FHIT: variants seen among roughly 807,000 people sequenced by gnomAD.
FHIT encodes bis(5'-adenosyl)-triphosphatase.
Under a neutral mutation model 17.9 loss-of-function variants are expected in FHIT, and 19 were observed. The ratio of observed to expected loss-of-function variants is 1.06; its 90% CI spans 0.74 to 1.56. The LOEUF is 1.56. Ranked by LOEUF, FHIT falls within the 40% of genes most tolerant of loss-of-function variation. The pLI is 0.00. For missense variants in FHIT, 248 were observed against 189.2 expected, an observed-to-expected ratio of 1.31 and a Z score of -1.82; for synonymous variants, 81 against 69.7, an observed-to-expected ratio of 1.16 and a Z score of -0.81.
At chr3:59,977,579 G>A (rs543422062) in intron 7 of FHIT, among the ~76,000 whole-genome samples, 87 of 152,150 alleles carry the variant, frequency 5.7e-4, no homozygotes, top group Non-Finnish European at 1.1e-3. Flanking sequence ...TGTCAGGACT[G>A]AACAAGTAAC....
At chr3:60,218,348 T>C (rs1215804645) in intron 5 of FHIT, among the ~76,000 whole-genome samples, 2 of 152,134 alleles carry the variant, frequency 1.3e-5, no homozygotes, top group East Asian at 1.9e-4. Flanking sequence ...AGAAAGAAAA[T>C]GCTTAATTCT....
chr3:59,912,775 T>C (rs1704945012), intron 8 of FHIT, among the ~76,000 whole-genome samples: 1 of 152,234 alleles, frequency 6.6e-6, no homozygotes, highest in South Asian at 2.1e-4. Context: ...GTAAGAAGGA[T>C]TTCCAGCAGG....
At chr3:60,356,753 C>CAAAAAAAAAAAAAAAAAAA (rs57588436) in intron 5 of FHIT, among the ~76,000 whole-genome samples, 23 of 58,674 alleles carry the variant, frequency 3.9e-4, no homozygotes, top group Middle Eastern at 0.016. Flanking sequence ...AAGACAGAGA[C>CAAAAAAAAAAAAAAAAAAA]AAAAAAAAAA....
At chr3:60,314,640 T>G (rs140776706) in intron 5 of FHIT, among the ~76,000 whole-genome samples, 19 of 152,326 alleles carry the variant, frequency 1.2e-4, no homozygotes, top group African/African-American at 4.6e-4. Context: ...TGATCTGAAC[T>G]GTTAAAAACT....
intron 4 of FHIT, among the ~76,000 whole-genome samples, chr3:60,604,415 G>C (rs2038543012): frequency 6.6e-6 from 1 of 152,086 alleles, no homozygotes; most frequent in African/African-American, 2.4e-5. Flanking sequence ...ATTAGAGTTG[G>C]GGCCACCCAC....
At chr3:60,890,283 G>T (rs1705447984) in intron 3 of FHIT, among the ~76,000 whole-genome samples, 1 of 146,904 alleles carries the variant, frequency 6.8e-6, no homozygotes, top group Non-Finnish European at 1.5e-5. Flanking sequence ...AAACACTTGT[G>T]AAGAGACTGA....
At chr3:61,123,855 G>A (rs1194004029) in intron 2 of FHIT, among the ~76,000 whole-genome samples, 1 of 152,164 alleles carries the variant, frequency 6.6e-6, no homozygotes, top group Non-Finnish European at 1.5e-5. Context: ...GAGTTGGGAA[G>A]AGAAGCTTAT....
In FHIT at chr3:60,113,997, G is replaced by A. The variant is rs566096310; in HGVS notation, c.104-99845C>T. On this transcript the variant is annotated intron_variant, in intron 5 of 9. Coordinates refer to ENST00000492590, the MANE Select transcript of FHIT (RefSeq NM_002012.4). ...AGCCTGGGCAATAGAACAAGACCCCGTCTCCAAAAAAAAAAAAAAAAAAAA... is the reference window on the plus strand; with the variant it reads ...AGCCTGGGCAATAGAACAAGACCCCATCTCCAAAAAAAAAAAAAAAAAAAA... Among the ~76,000 whole-genome samples, 27 of 10,774 alleles carry A rather than the reference G, an allele frequency of 2.5e-3. 1 individual carries two copies. Among genetic ancestry groups the A allele is most frequent in the Admixed American group, 0.017 (9 of 518 alleles). The allele number at this position is 10,774 out of a possible 152,430, so 7.1% of individuals were successfully genotyped here. A position where few individuals can be genotyped will look rare whatever the true frequency, so the allele number is the denominator to read the frequency against.
At chr3:60,661,206 C>G (rs1320792965) in intron 4 of FHIT, among the ~76,000 whole-genome samples, 2 of 152,066 alleles carry the variant, frequency 1.3e-5, no homozygotes, top group African/African-American at 4.8e-5. Flanking sequence ...CTTCACCTCC[C>G]TCCTCCCTCA....
At chr3:60,928,273 C>T (rs1553770615) in intron 3 of FHIT, among the ~76,000 whole-genome samples, 1 of 151,032 alleles carries the variant, frequency 6.6e-6, no homozygotes, top group Non-Finnish European at 1.5e-5. Flanking sequence ...TGCGAAATCC[C>T]CCTCTCTGAG....
At chr3:60,028,741 G>A (rs190732995) in intron 5 of FHIT, among the ~76,000 whole-genome samples, 2 of 152,266 alleles carry the variant, frequency 1.3e-5, no homozygotes, top group Non-Finnish European at 1.5e-5. Flanking sequence ...ATGTTCAGGA[G>A]ATTCTAGATA....
At chr3:60,832,156 G>C (rs1281213258) in intron 3 of FHIT, among the ~76,000 whole-genome samples, 1 of 151,604 alleles carries the variant, frequency 6.6e-6, no homozygotes, top group Non-Finnish European at 1.5e-5. Context: ...ATTAAAGTAT[G>C]CAATCTTCAC....
chr3:61,227,657 T>C (rs1475950077), intron 1 of FHIT, among the ~76,000 whole-genome samples: 1 of 152,206 alleles, frequency 6.6e-6, no homozygotes, highest in Non-Finnish European at 1.5e-5. Flanking sequence ...CTCTAATATT[T>C]GGTCATGAAA....
intron 4 of FHIT, among the ~76,000 whole-genome samples, chr3:60,639,718 A>T (rs2039678675): frequency 6.6e-6 from 1 of 152,218 alleles, no homozygotes; most frequent in Admixed American, 6.5e-5. Flanking sequence ...TTATTTGGGC[A>T]GATTAAAAAT....
At chr3:60,826,366 G>T (rs1432793794) in intron 3 of FHIT, among the ~76,000 whole-genome samples, 1 of 151,970 alleles carries the variant, frequency 6.6e-6, no homozygotes, top group Non-Finnish European at 1.5e-5. Flanking sequence ...CACACTTGTT[G>T]CCCAGGCTGA....
At chr3:60,201,451 T>C (rs1222495310) in intron 5 of FHIT, among the ~76,000 whole-genome samples, 3 of 151,972 alleles carry the variant, frequency 2.0e-5, no homozygotes, top group Non-Finnish European at 2.9e-5. Flanking sequence ...AAGTAGAATA[T>C]CTTAAAGTCC....
intron 2 of FHIT, among the ~76,000 whole-genome samples, chr3:61,077,865 T>A (rs116815142): frequency 0.018 from 2,723 of 152,242 alleles, 54 homozygotes; most frequent in South Asian, 0.043. Context: ...ACTCAATAAA[T>A]ATCCTGGAAA....
chr3:60,699,774 T>C (rs886321330), intron 4 of FHIT, among the ~76,000 whole-genome samples: 44 of 140,888 alleles, frequency 3.1e-4, no homozygotes, highest in Middle Eastern at 3.6e-3. Context: ...CACACACACA[T>C]ACACACATAC....
intron 3 of FHIT, among the ~76,000 whole-genome samples, chr3:60,843,296 T>C (rs781826420): frequency 1.4e-4 from 21 of 152,104 alleles, no homozygotes; most frequent in Non-Finnish European, 2.1e-4. Context: ...CAGGTTTTTT[T>C]CTCACAAAAG....
Sources: allele counts gnomAD v4.1 joint callset (sites outside exome capture counted in the v4.1 genomes callset), GRCh38; gene constraint gnomAD v4.1.1; transcripts MANE v1.5; gene names NCBI Gene and HGNC (gene_info 2026-07-23, HGNC 2026-07-21).